Variants in PDK2 observed in about 807,000 individuals in gnomAD.
PDK2 encodes the protein pyruvate dehydrogenase kinase, isozyme 2.
In PDK2, 34 loss-of-function variants were observed where a neutral mutation model predicts 50.4. The observed-to-expected ratio is 0.68, with a 90% confidence interval of 0.51 to 0.90. PDK2 has a LOEUF of 0.90. PDK2 is among the 40% of genes least tolerant of loss of function. The probability of loss-of-function intolerance (pLI) is 0.00; values close to 1 mark genes in which losing one functional copy is unlikely to be tolerated. For missense variants in PDK2, 377 were observed against 544.5 expected (o/e 0.69, Z 3.06); for synonymous variants, 232 against 216.0 (o/e 1.07, Z -0.65).
rs1024350867 is a variant in PDK2, at chr17:50,109,497, A to G, written c.1083+97A>G. On this transcript the variant is annotated intron_variant, in intron 10 of 10. Coordinates refer to ENST00000503176, the MANE Select transcript of PDK2 (RefSeq NM_002611.5). The surrounding 1 kb of genome is among the most constrained non-coding windows in gnomAD (Gnocchi z 5.0). Reference sequence around the variant, plus strand: ...TGCGAGCTTTCCTTTCCATCCCCCCAGTCCTTCCCTGGCCCCAGACTCTGA... The same window carrying G: ...TGCGAGCTTTCCTTTCCATCCCCCCGGTCCTTCCCTGGCCCCAGACTCTGA... 5 of 662,296 alleles carry G rather than the reference A, an allele frequency of 7.5e-6. No homozygotes were observed. The highest frequency in any genetic ancestry group is 3.7e-5 in the African/African-American group (2 of 54,244). The allele number at this position is 662,296 out of a possible 1,614,324, so 41.0% of individuals were successfully genotyped here.
chr17:50,097,786 A>G, intron 2 of PDK2: 1 of 501,448 alleles, frequency 2.0e-6, no homozygotes, highest in Non-Finnish European at 3.6e-6. Context: ...CCCTCTTCTT[A>G]CCACCCACCT....
intron 2 of PDK2, among the ~76,000 whole-genome samples, chr17:50,100,321 G>C (rs1428734883): frequency 1.3e-5 from 2 of 152,166 alleles, no homozygotes; most frequent in African/African-American, 4.8e-5. Flanking sequence ...TGTGATAGTG[G>C]GCCCTGTTTT....
chr17:50,096,266 T>C, intron 1 of PDK2: 1 of 985,376 alleles, frequency 1.0e-6, no homozygotes, highest in South Asian at 4.7e-5. Context: ...ATACCTCCCT[T>C]GGCTGCCCCA....
Position 50,111,300 on chromosome 17 carries a change from A to C in PDK2, c.*1203A>C, listed in dbSNP as rs1241331899. On this transcript the variant is annotated 3_prime_UTR_variant, in exon 11 of 11. Coordinates refer to ENST00000503176, the MANE Select transcript of PDK2 (RefSeq NM_002611.5). Reference sequence around the variant, plus strand: ...GTCCGGCCAACCCAACAACTGGAGCAGACAGAAATTCTGGTCACTGGCACA... The same window carrying C: ...GTCCGGCCAACCCAACAACTGGAGCCGACAGAAATTCTGGTCACTGGCACA... 1 of 152,318 alleles carries C rather than the reference A, an allele frequency of 6.6e-6. No homozygotes were observed. Among genetic ancestry groups the C allele is most frequent in the African/African-American group, 2.4e-5 (1 of 41,468 alleles). 9.4% of individuals were successfully genotyped at this position (152,318 alleles called of 1,614,324 possible).
intron 2 of PDK2, among the ~76,000 whole-genome samples, chr17:50,102,427 T>C (rs1160915707): frequency 6.6e-6 from 1 of 152,188 alleles, no homozygotes; most frequent in African/African-American, 2.4e-5. Context: ...TAAGTGAGAC[T>C]GGGACTTTGA....
intron 9 of PDK2, 50 bp downstream of exon 9, chr17:50,108,769 T>C: frequency 4.4e-6 from 5 of 1,135,204 alleles, no homozygotes; most frequent in Non-Finnish European, 6.6e-6. Flanking sequence ...GAGGCTTCTC[T>C]CCTCACTCAC....
intron 2 of PDK2, among the ~76,000 whole-genome samples, chr17:50,098,274 T>C (rs1201741307): frequency 6.6e-6 from 1 of 152,206 alleles, no homozygotes; most frequent in Non-Finnish European, 1.5e-5. Context: ...GCAGAAATCT[T>C]GGGCTGGTTC....
rs1910761810 is a variant in PDK2 at position 50,110,250 on chromosome 17, G to A, written c.*153G>A. The A allele has an allele frequency of 5.1e-6, 4 of 779,932 alleles. No individual in the cohort carries two copies. Among genetic ancestry groups the A allele is most frequent in the Non-Finnish European group, 7.6e-6 (4 of 523,514 alleles). The allele number at this position is 779,932 out of a possible 1,614,324, so 48.3% of individuals were successfully genotyped here. A position where few individuals can be genotyped will look rare whatever the true frequency, so the allele number is the denominator to read the frequency against. On this transcript the variant is annotated 3_prime_UTR_variant, in exon 11 of 11. Coordinates refer to ENST00000503176, the MANE Select transcript of PDK2 (RefSeq NM_002611.5). ...TGGAAGTCACTGCGGTGATAGGTCT[G>A]TGATGGTCCCTAAGTGCCAGTCCAT...
At chr17:50,108,060 C>G in intron 6 of PDK2, 96 bp from the exon 7 acceptor site, 1 of 977,724 alleles carries the variant, frequency 1.0e-6, no homozygotes, top group Non-Finnish European at 1.6e-6. Context: ...GCCATGTACT[C>G]AGAACTTTGT....
At position 50,110,327 on chromosome 17, in the gene PDK2, G is replaced by T; in HGVS notation, c.*230G>T. 1 of 425,664 alleles carries T rather than the reference G, an allele frequency of 2.3e-6. No homozygotes were observed. The highest frequency in any genetic ancestry group is 4.2e-6 in the Non-Finnish European group (1 of 237,450). The allele number at this position is 425,664 out of a possible 1,614,324, so 26.4% of individuals were successfully genotyped here. A position where few individuals can be genotyped will look rare whatever the true frequency, so the allele number is the denominator to read the frequency against. On this transcript the variant is annotated 3_prime_UTR_variant, in exon 11 of 11. Transcript: ENST00000503176. The stretch of plus-strand genomic sequence containing the variant: ...CCTATCTCTGTGGGCGATGCCTGAG[G>T]GTTAGGGATGTCTCCACCCTGATGG...
chr17:50,096,716 A>C (rs1337418487), intron 1 of PDK2, among the ~76,000 whole-genome samples: 1 of 152,148 alleles, frequency 6.6e-6, no homozygotes, highest in African/African-American at 2.4e-5. Flanking sequence ...TTGTAGTACT[A>C]TGGGGGAAAC....
rs376774344 is a variant in PDK2 at position 50,108,184 on chromosome 17, G to A, written c.714G>A (p.Met238Ile). 3.8e-6 allele frequency: 6 copies of A among 1,597,288 alleles called. No individual in the cohort carries two copies. The African/African-American group carries it at 5.3e-5, about 14-fold the overall frequency. ...CCAACTCCAAACAGCCGATTCACAT[G>A]GTCTACGTCCCCTCCCACCTCTACC... Reference protein sequence around the residue: ...NAANSKQPIHMVYVPSHLYHM... With the variant: ...NAANSKQPIHIVYVPSHLYHM... The change falls in exon 7 of 11, where the codon ATG (methionine) becomes ATA (isoleucine). Residue 238 changes from methionine (M) to isoleucine (I), a missense_variant. Physicochemically the swap from Met to Ile is conservative, Grantham distance 10. Around this residue, in one of 3 missense-constraint regions of PDK2, gnomAD observed 214 missense variants for 294.0 expected, o/e 0.73. Coordinates refer to ENST00000503176, the MANE Select transcript of PDK2 (RefSeq NM_002611.5).
Position 50,108,161 on chromosome 17 carries a change from A to T in PDK2, c.691A>T (p.Asn231Tyr). Residue 231 changes from asparagine to tyrosine, a missense_variant, in exon 7 of 11, where the codon AAC becomes TAC. Asn to Tyr is a moderately radical substitution (Grantham distance 143, BLOSUM62 -2). Around this residue, in one of 3 missense-constraint regions of PDK2, gnomAD observed 214 missense variants for 294.0 expected, o/e 0.73. Coordinates refer to ENST00000503176, the MANE Select transcript of PDK2 (RefSeq NM_002611.5). ...GGTCTTGACTTGCCCTGTAGCAGCC[A>T]ACTCCAAACAGCCGATTCACATGGT... ...DLEIQEINAANSKQPIHMVYV... is the reference protein window; with the variant it reads ...DLEIQEINAAYSKQPIHMVYV... The T allele has an allele frequency of 1.3e-6, 2 of 1,591,568 alleles. No homozygotes were observed. The highest frequency in any genetic ancestry group is 2.3e-5 in the South Asian group (2 of 87,814).
intron 2 of PDK2, among the ~76,000 whole-genome samples, chr17:50,102,497 C>G (rs1314323029): frequency 6.6e-6 from 1 of 152,114 alleles, no homozygotes; most frequent in Non-Finnish European, 1.5e-5. Flanking sequence ...CTCCCAGCTC[C>G]CACCCGCTTC....
At chr17:50,095,129 G>A (rs1035687154), upstream of PDK2, 7 of 321,134 alleles carry the variant, frequency 2.2e-5, no homozygotes, top group Non-Finnish European at 4.0e-5. Flanking sequence ...AGGGAGGAGT[G>A]AACACAGGGG....
chr17:50,097,301 C>T lies in PDK2; in HGVS notation c.119-122C>T, dbSNP rs116336987. 2,988 of 949,858 alleles carry T rather than the reference C, an allele frequency of 3.1e-3. 10 individuals are homozygous for T. Among genetic ancestry groups the T allele is most frequent in the African/African-American group, 0.013 (827 of 62,058 alleles). The allele number at this position is 949,858 out of a possible 1,614,324, so 58.8% of individuals were successfully genotyped here. A position where few individuals can be genotyped will look rare whatever the true frequency, so the allele number is the denominator to read the frequency against. On this transcript the variant is annotated intron_variant, in intron 1 of 10. Coordinates refer to ENST00000503176, the MANE Select transcript of PDK2 (RefSeq NM_002611.5). ...AGGGGATGGGGAGCCTTGCTGTGTG[C>T]CCCGGGCAGGTCACTTGCTCTCTGA...
In PDK2 at chr17:50,101,558, A is replaced by AG. The variant is rs1297752600; in HGVS notation, c.261-3813_261-3812insG. On this transcript the variant is annotated intron_variant, in intron 2 of 10. Transcript: ENST00000503176. The surrounding 1 kb of genome is among the most constrained non-coding windows in gnomAD (Gnocchi z 4.2). ...ACCCTGCTCCCCAGCAGCTGTGGAT[A>AG]CGAGTGCACAGGGCACACCCTCGCA... Among the ~76,000 whole-genome samples, 3,303 of 152,158 alleles carry AG rather than the reference A, an allele frequency of 0.022. 105 individuals are homozygous for AG. The highest frequency in any genetic ancestry group is 0.071 in the African/African-American group (2,926 of 41,484).
In PDK2 at chr17:50,109,160, C is replaced by A. The variant is rs1910685297; in HGVS notation, c.970-127C>A. ...CTCAGTGTCCCCTCCCACATGTCCC[C>A]TCCCAGCTCTGGGACCCCTGCCATG... On this transcript the variant is annotated intron_variant, in intron 9 of 10. Transcript: ENST00000503176. The surrounding 1 kb of genome is among the most constrained non-coding windows in gnomAD (Gnocchi z 5.0). The A allele has an allele frequency of 1.6e-6, 1 of 612,880 alleles. No individual in the cohort carries two copies. The highest frequency in any genetic ancestry group is 2.9e-5 in the Admixed American group (1 of 34,842). 38.0% of individuals were successfully genotyped at this position (612,880 alleles called of 1,614,324 possible).
At chr17:50,104,161 C>T (rs1304564611) in intron 2 of PDK2, among the ~76,000 whole-genome samples, 6 of 152,146 alleles carry the variant, frequency 3.9e-5, no homozygotes, top group Admixed American at 3.3e-4. Flanking sequence ...CCCCAGGGCA[C>T]GGGGCACAGT....
Sources: allele counts gnomAD v4.1 joint callset (sites outside exome capture counted in the v4.1 genomes callset), GRCh38; gene constraint gnomAD v4.1.1; regional missense constraint gnomAD v4.1.1; non-coding constraint Gnocchi (gnomAD v3.1); transcripts MANE v1.5; gene names NCBI Gene and HGNC (gene_info 2026-07-23, HGNC 2026-07-21).